TXLNB: variants seen among roughly 807,000 people sequenced by gnomAD.
The protein encoded by TXLNB is beta-taxilin.
TXLNB carries 37 observed loss-of-function variants against 57.4 expected under a neutral mutation model. That is an observed-to-expected ratio of 0.64 (90% CI 0.50 to 0.85). The LOEUF (loss-of-function observed/expected upper bound fraction) is 0.85. Ranked by LOEUF, TXLNB falls within the 40% of genes least tolerant of loss-of-function variation. The pLI is 0.00. For missense variants in TXLNB, 848 were observed against 825.6 expected (o/e 1.03, Z -0.33); for synonymous variants, 302 against 309.6 (o/e 0.98, Z 0.26).
chr6:139,239,491 G>C (rs1775875014), downstream of TXLNB: 2 of 152,454 alleles, frequency 1.3e-5, no homozygotes, highest in Non-Finnish European at 2.9e-5. This position sits in a 1 kb window ranked among gnomAD's most constrained non-coding sequence, Gnocchi z 4.7. Context: ...ATAGGCCTCA[G>C]TGACATTTTT....
At chr6:139,160,534 C>T in the TXLNB span, among the ~76,000 whole-genome samples, 15 of 152,298 alleles carry the variant, frequency 9.8e-5, no homozygotes, top group Non-Finnish European at 1.9e-4. Context: ...CCACCTCAGC[C>T]TCCTGAGTAG....
chr6:139,197,922 T>C, the TXLNB span: 1 of 152,230 alleles, frequency 6.6e-6, no homozygotes, highest in South Asian at 2.1e-4. Flanking sequence ...ACTCTCCTTT[T>C]ATATGGCATT....
At chr6:139,185,852 C>G in the TXLNB span, among the ~76,000 whole-genome samples, 1 of 152,130 alleles carries the variant, frequency 6.6e-6, no homozygotes, top group Non-Finnish European at 1.5e-5. Flanking sequence ...CTTACTTATC[C>G]TTACCTGCCT....
At chr6:139,191,180 G>A in the TXLNB span, among the ~76,000 whole-genome samples, 2 of 152,120 alleles carry the variant, frequency 1.3e-5, no homozygotes, top group East Asian at 3.9e-4. Flanking sequence ...AGCACTTTGG[G>A]AGGCCGAGAT....
the TXLNB span, among the ~76,000 whole-genome samples, chr6:139,319,402 C>CCTTT: frequency 6.6e-6 from 1 of 151,610 alleles, no homozygotes; most frequent in South Asian, 2.1e-4. Flanking sequence ...ACCCATCCTT[C>CCTTT]CTTTCTTTCT....
chr6:139,166,001 G>C, the TXLNB span: 1 of 314,458 alleles, frequency 3.2e-6, no homozygotes, highest in African/African-American at 2.1e-5. Flanking sequence ...ATCGGTATGA[G>C]ACCGTCTATG....
chr6:139,209,392 T>C, the TXLNB span, among the ~76,000 whole-genome samples: 1 of 152,186 alleles, frequency 6.6e-6, no homozygotes, highest in Admixed American at 6.5e-5. Context: ...ACAGATTTAA[T>C]GCAATTCCCA....
intron 4 of TXLNB, among the ~76,000 whole-genome samples, chr6:139,266,749 A>C (rs1465462526): frequency 6.6e-6 from 1 of 152,112 alleles, no homozygotes; most frequent in Non-Finnish European, 1.5e-5. Flanking sequence ...AGATACAAAA[A>C]AGCTTAGCAA....
chr6:139,206,149 C>T, the TXLNB span, among the ~76,000 whole-genome samples: 1 of 152,158 alleles, frequency 6.6e-6, no homozygotes, highest in Non-Finnish European at 1.5e-5. Context: ...CACTACCAAA[C>T]CGGCACTACA....
chr6:139,238,562 CAA>C (rs774903578), downstream of TXLNB, among the ~76,000 whole-genome samples: 1 of 152,090 alleles, frequency 6.6e-6, no homozygotes, highest in African/African-American at 2.4e-5. Flanking sequence ...GAGAAACCAC[CAA>C]AGAGACTTAA....
At chr6:139,255,494 C>G in intron 7 of TXLNB, 70 bp downstream of exon 7, 2 of 1,374,832 alleles carry the variant, frequency 1.5e-6, no homozygotes, top group Non-Finnish European at 2.1e-6. Context: ...TGCTGCCCAC[C>G]TTTGGCCCCA....
Position 139,288,825 on chromosome 6 carries a change from G to A in TXLNB, c.75C>T (p.Pro25=). 1 of 1,614,190 alleles carries A rather than the reference G, an allele frequency of 6.2e-7. No homozygotes were observed. Among genetic ancestry groups the A allele is most frequent in the Non-Finnish European group, 8.5e-7 (1 of 1,180,034 alleles). The change falls in exon 2 of 10, where the codon CCC becomes CCT. Residue 25 remains proline, a synonymous_variant. Coordinates refer to ENST00000358430, the MANE Select transcript of TXLNB (RefSeq NM_153235.4). ...STPPGDSSSL[P]SHNGLEKEDG... is the part of the protein sequence containing the mutation. Reference sequence around the variant, plus strand: ...CTTCCTTCTCCAGGCCATTGTGACTGGGTAATGATGAACTGTCACCTGGAG... The same window carrying A: ...CTTCCTTCTCCAGGCCATTGTGACTAGGTAATGATGAACTGTCACCTGGAG...
At chr6:139,211,883 T>A in the TXLNB span, among the ~76,000 whole-genome samples, 1 of 152,132 alleles carries the variant, frequency 6.6e-6, no homozygotes, top group Non-Finnish European at 1.5e-5. Flanking sequence ...GTATCAGCGA[T>A]GGAAGACGAA....
chr6:139,288,580 T>C lies in TXLNB; in HGVS notation c.320A>G (p.Glu107Gly). ...NEDGDCEETTEEAGREPVASG... is the reference protein window; with the variant it reads ...NEDGDCEETTGEAGREPVASG... ...AGCAACGGGTTCTCTTCCAGCCTCT[T>C]CAGTTGTTTCCTCACAGTCCCCATC... Residue 107 changes from glutamate to glycine, a missense_variant, in exon 2 of 10, where the codon GAA (glutamate) becomes GGA (glycine). Transcript: ENST00000358430. 2 of 1,614,210 alleles carry C rather than the reference T, an allele frequency of 1.2e-6. No homozygotes were observed. Among genetic ancestry groups the C allele is most frequent in the Non-Finnish European group, 1.7e-6 (2 of 1,180,036 alleles).
At position 139,246,821 on chromosome 6, in the gene TXLNB, G is replaced by A. The variant is rs543575455; in HGVS notation, c.1170+996C>T. 1.3e-3 allele frequency among the ~76,000 whole-genome samples: 205 copies of A among 151,988 alleles called. 1 individual carries two copies. The highest frequency in any genetic ancestry group is 2.4e-3 in the Non-Finnish European group (162 of 67,996). On this transcript the variant is annotated intron_variant, in intron 8 of 9. Transcript: ENST00000358430. ...CCCAGCTACTCGGGAGGCTGAGGCA[G>A]GAGAATTGCTTGAACCCGGAAGGCA...
chr6:139,309,811 C>CATAA, the TXLNB span, among the ~76,000 whole-genome samples: 1 of 152,028 alleles, frequency 6.6e-6, no homozygotes, highest in South Asian at 2.1e-4. Context: ...CCTGGAAACC[C>CATAA]ATAAATAAAA....
chr6:139,185,064 G>C, the TXLNB span, among the ~76,000 whole-genome samples: 1 of 152,198 alleles, frequency 6.6e-6, no homozygotes, highest in Non-Finnish European at 1.5e-5. Context: ...ATTGATGAGG[G>C]AAGTAAAGCC....
At chr6:139,235,736 C>G (rs1242565770), downstream of TXLNB, among the ~76,000 whole-genome samples, 1 of 152,084 alleles carries the variant, frequency 6.6e-6, no homozygotes, top group Non-Finnish European at 1.5e-5. Flanking sequence ...GACAGGCACT[C>G]CTGTTTTCAC....
the TXLNB span, among the ~76,000 whole-genome samples, chr6:139,317,400 GTT>G: frequency 1.4e-5 from 2 of 144,772 alleles, no homozygotes; most frequent in African/African-American, 5.0e-5. Context: ...AAAGACAGAG[GTT>G]TTTTTTTTTT....
Sources: allele counts gnomAD v4.1 joint callset (sites outside exome capture counted in the v4.1 genomes callset), GRCh38; gene constraint gnomAD v4.1.1; non-coding constraint Gnocchi (gnomAD v3.1); transcripts MANE v1.5; gene names NCBI Gene and HGNC (gene_info 2026-07-23, HGNC 2026-07-21).